The following TAX1BP1 variants were observed in gnomAD, a reference collection of about 807,000 sequenced individuals.
The protein encoded by TAX1BP1 is tax1-binding protein 1.
In TAX1BP1, 62 loss-of-function variants were observed where a neutral mutation model predicts 97.7. The ratio of observed to expected loss-of-function variants is 0.63; its 90% CI spans 0.52 to 0.78. The LOEUF (loss-of-function observed/expected upper bound fraction) is 0.78. Among genes scored for constraint, TAX1BP1 ranks in the 30% least tolerant of loss-of-function variants. The probability of loss-of-function intolerance (pLI) is 0.00; values close to 1 mark genes in which losing one functional copy is unlikely to be tolerated. For synonymous variants in TAX1BP1, 340 were observed against 304.2 expected (o/e 1.12, Z -1.23); for missense variants, 867 against 916.1 (o/e 0.95, Z 0.69).
chr7:27,776,262 G>T (rs1338795881), intron 5 of TAX1BP1, among the ~76,000 whole-genome samples: 2 of 152,228 alleles, frequency 1.3e-5, no homozygotes, highest in East Asian at 3.9e-4. Flanking sequence ...AAAATGCATA[G>T]ATAAAGGTTT....
At chr7:27,765,153 C>T (rs1005418706) in intron 3 of TAX1BP1, among the ~76,000 whole-genome samples, 17 of 147,252 alleles carry the variant, frequency 1.2e-4, no homozygotes, top group Admixed American at 2.7e-4. Context: ...GTAGCTGGGA[C>T]TGCAGGTACA....
At chr7:27,780,461 C>A (rs1202116499) in intron 5 of TAX1BP1, among the ~76,000 whole-genome samples, 1 of 152,124 alleles carries the variant, frequency 6.6e-6, no homozygotes, top group Non-Finnish European at 1.5e-5. Flanking sequence ...GCCATGTGCT[C>A]ATCAAATGAG....
At chr7:27,817,729 GATA>G (rs1290300808) in intron 15 of TAX1BP1, among the ~76,000 whole-genome samples, 3 of 152,226 alleles carry the variant, frequency 2.0e-5, no homozygotes, top group East Asian at 3.9e-4. Context: ...TTTTTGGATA[GATA>G]ATATGTTCTT....
At chr7:27,802,089 G>T (rs1403300969) in intron 13 of TAX1BP1, among the ~76,000 whole-genome samples, 3 of 152,200 alleles carry the variant, frequency 2.0e-5, no homozygotes, top group Non-Finnish European at 4.4e-5. Flanking sequence ...CGAACTGTGA[G>T]CAGTCTTGAT....
At chr7:27,786,267 G>C (rs1220815039) in intron 7 of TAX1BP1, among the ~76,000 whole-genome samples, 4 of 151,882 alleles carry the variant, frequency 2.6e-5, no homozygotes, top group African/African-American at 9.7e-5. Flanking sequence ...GAGGACCTGG[G>C]ACTACAGGTG....
chr7:27,779,070 A>G (rs1390796787), intron 5 of TAX1BP1, among the ~76,000 whole-genome samples: 1 of 151,618 alleles, frequency 6.6e-6, no homozygotes, highest in African/African-American at 2.4e-5. Flanking sequence ...TTTTTTTAAT[A>G]TTTGTTTAAT....
chr7:27,767,568 T>C (rs930625965), intron 4 of TAX1BP1, among the ~76,000 whole-genome samples: 4 of 152,168 alleles, frequency 2.6e-5, no homozygotes, highest in African/African-American at 9.6e-5. Flanking sequence ...TGCCTGATGA[T>C]CAAGGTTTTT....
intron 1 of TAX1BP1, among the ~76,000 whole-genome samples, chr7:27,741,499 C>CTTT (rs575515207): frequency 7.0e-6 from 1 of 142,616 alleles, no homozygotes. Context: ...TCATCACGTT[C>CTTT]TTTTTTTTTT....
At chr7:27,811,401 TTGA>T (rs1314496986) in intron 13 of TAX1BP1, among the ~76,000 whole-genome samples, 4 of 152,362 alleles carry the variant, frequency 2.6e-5, no homozygotes, top group South Asian at 4.1e-4. Flanking sequence ...AGTTTTGCTC[TTGA>T]TGATGACTTT....
chr7:27,805,434 T>C (rs1425035899), intron 13 of TAX1BP1, among the ~76,000 whole-genome samples: 1 of 149,208 alleles, frequency 6.7e-6, no homozygotes, highest in Non-Finnish European at 1.5e-5. Flanking sequence ...CTTTTGACTA[T>C]GCTCACTATA....
intron 5 of TAX1BP1, among the ~76,000 whole-genome samples, chr7:27,778,975 A>G (rs952927886): frequency 2.6e-5 from 4 of 152,122 alleles, no homozygotes; most frequent in African/African-American, 9.7e-5. Flanking sequence ...AGAAACCTTG[A>G]GTCCATTAAC....
chr7:27,827,912 G>A (rs1791248914), intron 16 of TAX1BP1, 92 bp downstream of exon 16: 1 of 1,102,904 alleles, frequency 9.1e-7, no homozygotes, highest in South Asian at 1.4e-5. Flanking sequence ...ATGCACATGT[G>A]TAGGGCCTGG....
At chr7:27,777,233 G>T (rs1455585067) in intron 5 of TAX1BP1, among the ~76,000 whole-genome samples, 1 of 151,950 alleles carries the variant, frequency 6.6e-6, no homozygotes, top group Non-Finnish European at 1.5e-5. Context: ...TACCTTGCTG[G>T]GTGTTGGGAT....
chr7:27,743,802 T>A lies in TAX1BP1; in HGVS notation c.-8+3533T>A, dbSNP rs1787713444. On this transcript the variant is annotated intron_variant, in intron 1 of 16. Coordinates refer to ENST00000396319, the MANE Select transcript of TAX1BP1 (RefSeq NM_006024.7). ...TTTTTTTTTTTTTTTTTTTTTTTTTTTTTTTTTTTTTTTTGAGACGGAGTC... is the reference window on the plus strand; with the variant it reads ...TTTTTTTTTTTTTTTTTTTTTTTTTATTTTTTTTTTTTTTGAGACGGAGTC... 3.7e-3 allele frequency among the ~76,000 whole-genome samples: 2 copies of A among 542 alleles called. 1 individual carries two copies. The highest frequency in any genetic ancestry group is 5.0e-3 in the Non-Finnish European group (2 of 400). The allele number at this position is 542 out of a possible 152,430, so 0.4% of individuals were successfully genotyped here. A position where few individuals can be genotyped will look rare whatever the true frequency, so the allele number is the denominator to read the frequency against.
chr7:27,819,766 T>C (rs755775306), intron 15 of TAX1BP1, among the ~76,000 whole-genome samples: 20 of 152,196 alleles, frequency 1.3e-4, no homozygotes, highest in Non-Finnish European at 2.6e-4. Context: ...AGTTCAAAAA[T>C]TGTAAGTCTA....
intron 1 of TAX1BP1, among the ~76,000 whole-genome samples, chr7:27,741,890 G>T (rs1328949391): frequency 1.3e-5 from 2 of 152,188 alleles, no homozygotes; most frequent in Non-Finnish European, 2.9e-5. Context: ...CAATAGTGGG[G>T]AGAGGGTCAG....
intron 4 of TAX1BP1, among the ~76,000 whole-genome samples, chr7:27,768,291 A>C (rs1788717222): frequency 6.6e-6 from 1 of 151,938 alleles, no homozygotes; most frequent in African/African-American, 2.4e-5. Context: ...ATAATCAGTG[A>C]ATTTAGGTGA....
At position 27,828,621 on chromosome 7, in the gene TAX1BP1, CTT is replaced by C; in HGVS notation, c.2169-5_2169-4del. On this transcript the variant is annotated splice_polypyrimidine_tract_variant and splice_region_variant and intron_variant, in intron 16 of 16. Coordinates refer to ENST00000396319, the MANE Select transcript of TAX1BP1 (RefSeq NM_006024.7). Reference sequence around the variant, plus strand: ...AAACATGTAATTCTTTCATTTTTCTCTTTAAGCTTTGATGTTCACAAGAAGTG... The same window carrying C: ...AAACATGTAATTCTTTCATTTTTCTCTAAGCTTTGATGTTCACAAGAAGTG... 1 of 1,612,380 alleles carries C rather than the reference CTT, an allele frequency of 6.2e-7. No individual in the cohort carries two copies. Among genetic ancestry groups the C allele is most frequent in the African/African-American group, 1.3e-5 (1 of 74,926 alleles).
intron 13 of TAX1BP1, among the ~76,000 whole-genome samples, chr7:27,811,017 A>G (rs1253047390): frequency 6.6e-6 from 1 of 152,010 alleles, no homozygotes; most frequent in Non-Finnish European, 1.5e-5. Flanking sequence ...ACCACTTACC[A>G]CAATTAATTG....
Sources: allele counts gnomAD v4.1 joint callset (sites outside exome capture counted in the v4.1 genomes callset), GRCh38; gene constraint gnomAD v4.1.1; transcripts MANE v1.5; gene names NCBI Gene and HGNC (gene_info 2026-07-23, HGNC 2026-07-21).